Variants in CPA6 observed in about 807,000 individuals in gnomAD.
The protein encoded by CPA6 is carboxypeptidase A6.
Under a neutral mutation model 63.3 loss-of-function variants are expected in CPA6, and 58 were observed. The observed-to-expected ratio is 0.92, with a 90% CI of 0.74 to 1.14. The LOEUF (loss-of-function observed/expected upper bound fraction) is 1.14, where lower values mean the gene tolerates loss of function less well. CPA6 is among the 50% of genes most tolerant of loss of function. The pLI is 0.00. For synonymous variants in CPA6, 185 were observed against 179.0 expected (o/e 1.03, Z -0.27); for missense variants, 565 against 526.6 (o/e 1.07, Z -0.71).
chr8:67,714,239 A>T (rs1817331915), intron 1 of CPA6, among the ~76,000 whole-genome samples: 1 of 152,188 alleles, frequency 6.6e-6, no homozygotes, highest in Non-Finnish European at 1.5e-5. Context: ...TATTCCAGTG[A>T]TGAAAACTGG....
intron 1 of CPA6, among the ~76,000 whole-genome samples, chr8:67,675,560 C>T (rs1236359410): frequency 6.6e-6 from 1 of 152,176 alleles, no homozygotes; most frequent in African/African-American, 2.4e-5. Context: ...TAGAGAGGCC[C>T]CTATTGCCCG....
chr8:67,690,038 T>C (rs1235015328), intron 1 of CPA6, among the ~76,000 whole-genome samples: 1 of 85,286 alleles, frequency 1.2e-5, no homozygotes, highest in Non-Finnish European at 2.6e-5. Context: ...TGATAATGAA[T>C]TTTTTTATAT....
At chr8:67,638,869 CT>C in intron 1 of CPA6, among the ~76,000 whole-genome samples, 1 of 151,558 alleles carries the variant, frequency 6.6e-6, no homozygotes, top group Admixed American at 6.6e-5. Context: ...ATGCAAGCCT[CT>C]TTTTCAGAGT....
At chr8:67,642,187 G>A (rs908484129) in intron 1 of CPA6, among the ~76,000 whole-genome samples, 2 of 151,794 alleles carry the variant, frequency 1.3e-5, no homozygotes, top group Admixed American at 6.6e-5. Context: ...GTATGGTGGC[G>A]GGCGCCTGTA....
At chr8:67,567,835 G>T (rs1813378146) in intron 2 of CPA6, among the ~76,000 whole-genome samples, 1 of 152,174 alleles carries the variant, frequency 6.6e-6, no homozygotes, top group Non-Finnish European at 1.5e-5. Context: ...AGCTTCCCTA[G>T]CATTCTGAGA....
intron 1 of CPA6, among the ~76,000 whole-genome samples, chr8:67,683,424 T>C (rs1000503103): frequency 6.6e-6 from 1 of 152,182 alleles, no homozygotes; most frequent in Non-Finnish European, 1.5e-5. Flanking sequence ...ATTCATCTTC[T>C]CTAATTTAGC....
intron 1 of CPA6, among the ~76,000 whole-genome samples, chr8:67,694,030 C>T (rs1215875933): frequency 6.6e-6 from 1 of 152,180 alleles, no homozygotes; most frequent in Non-Finnish European, 1.5e-5. Flanking sequence ...AGGCAAAATG[C>T]CTAATAGACC....
chr8:67,670,689 T>C (rs935056176), intron 1 of CPA6, among the ~76,000 whole-genome samples: 1 of 152,168 alleles, frequency 6.6e-6, no homozygotes. Context: ...GTAAAAATTA[T>C]AGTATCTATT....
At chr8:67,666,776 G>T (rs1816238467) in intron 1 of CPA6, among the ~76,000 whole-genome samples, 1 of 152,092 alleles carries the variant, frequency 6.6e-6, no homozygotes, top group African/African-American at 2.4e-5. Flanking sequence ...TGGGGGAAAG[G>T]GAAGGGCCAA....
chr8:67,746,142 A>T lies in CPA6; in HGVS notation c.-13T>A. 1 of 1,598,234 alleles carries T rather than the reference A, an allele frequency of 6.3e-7. No homozygotes were observed. Among genetic ancestry groups the T allele is most frequent in the Non-Finnish European group, 8.6e-7 (1 of 1,168,962 alleles). ...CGAGACACTTCATAGTGTTAAGAAG[A>T]GAGGAGTTGAAAGTTACTTAAGCAG... On this transcript the variant is annotated 5_prime_UTR_variant, in exon 1 of 11. Coordinates refer to ENST00000297770, the MANE Select transcript of CPA6 (RefSeq NM_020361.5).
At chr8:67,564,539 G>A (rs1010235915) in intron 2 of CPA6, among the ~76,000 whole-genome samples, 7 of 151,920 alleles carry the variant, frequency 4.6e-5, no homozygotes, top group Non-Finnish European at 1.0e-4. Context: ...TTATACAAGT[G>A]AGTTCTCAAG....
chr8:67,593,707 C>T (rs1191310988), intron 2 of CPA6, among the ~76,000 whole-genome samples: 1 of 151,014 alleles, frequency 6.6e-6, no homozygotes, highest in Non-Finnish European at 1.5e-5. Flanking sequence ...AGGCTTGCAA[C>T]CCCTGCCTTT....
chr8:67,610,428 C>T (rs1814776369), intron 2 of CPA6, among the ~76,000 whole-genome samples: 1 of 152,094 alleles, frequency 6.6e-6, no homozygotes, highest in African/African-American at 2.4e-5. Flanking sequence ...TTACCATTTC[C>T]CCCCAAGTCT....
intron 1 of CPA6, among the ~76,000 whole-genome samples, chr8:67,625,838 GATTTTCTGTC>G (rs1815182183): frequency 6.6e-6 from 1 of 152,122 alleles, no homozygotes; most frequent in South Asian, 2.1e-4. Flanking sequence ...GAATTTGCAT[GATTTTCTGTC>G]ATTTTACTTC....
intron 2 of CPA6, among the ~76,000 whole-genome samples, chr8:67,578,262 A>G (rs569894134): frequency 3.3e-5 from 5 of 152,176 alleles, no homozygotes; most frequent in Non-Finnish European, 7.3e-5. Flanking sequence ...TATGCAGAAG[A>G]TATTTCTCAA....
At chr8:67,686,915 CAG>C (rs1816719962) in intron 1 of CPA6, among the ~76,000 whole-genome samples, 1 of 152,126 alleles carries the variant, frequency 6.6e-6, no homozygotes, top group Non-Finnish European at 1.5e-5. Context: ...AGTTCAGAAA[CAG>C]AATTCTCAAG....
intron 8 of CPA6, among the ~76,000 whole-genome samples, chr8:67,465,659 T>A (rs1015365031): frequency 6.6e-6 from 1 of 151,958 alleles, no homozygotes; most frequent in Admixed American, 6.6e-5. Context: ...TCTGGAGGAT[T>A]TTTATCATGA....
At chr8:67,640,820 A>G (rs1587661859) in intron 1 of CPA6, among the ~76,000 whole-genome samples, 1 of 151,694 alleles carries the variant, frequency 6.6e-6, no homozygotes, top group African/African-American at 2.4e-5. Context: ...CAGCAGCAGC[A>G]GTGGCAGCCC....
At chr8:67,489,472 C>T (rs530089193) in intron 6 of CPA6, among the ~76,000 whole-genome samples, 4 of 151,228 alleles carry the variant, frequency 2.6e-5, no homozygotes, top group Admixed American at 6.6e-5. Context: ...TTAAATTTTA[C>T]GTATAAATGT....
Sources: allele counts gnomAD v4.1 joint callset (sites outside exome capture counted in the v4.1 genomes callset), GRCh38; gene constraint gnomAD v4.1.1; transcripts MANE v1.5; gene names NCBI Gene and HGNC (gene_info 2026-07-23, HGNC 2026-07-21).